The following SPIDR variants were observed in gnomAD, a reference collection of about 807,000 sequenced individuals.
SPIDR encodes DNA repair-scaffolding protein.
In SPIDR, 93 loss-of-function variants were observed where a neutral mutation model predicts 104.6. The ratio of observed to expected loss-of-function variants is 0.89; its 90% CI spans 0.75 to 1.06. The LOEUF (loss-of-function observed/expected upper bound fraction) is 1.06. SPIDR is among the 50% of genes least tolerant of loss of function. The pLI is 0.00. For synonymous variants in SPIDR, 431 were observed against 416.9 expected, an observed-to-expected ratio of 1.03 and a Z score of -0.41; for missense variants, 1,154 against 1,111.2, an observed-to-expected ratio of 1.04 and a Z score of -0.55.
chr8:47,650,323 G>T (rs1270210569), intron 10 of SPIDR, among the ~76,000 whole-genome samples: 2 of 152,204 alleles, frequency 1.3e-5, no homozygotes, highest in Non-Finnish European at 2.9e-5. Context: ...ACCAAGCGGG[G>T]AATCAAATCA....
chr8:47,356,553 C>T (rs2054589520), intron 5 of SPIDR, among the ~76,000 whole-genome samples: 1 of 152,148 alleles, frequency 6.6e-6, no homozygotes, highest in South Asian at 2.1e-4. Context: ...ATGGCTTGGT[C>T]ATTTGAAAAC....
intron 10 of SPIDR, among the ~76,000 whole-genome samples, chr8:47,608,218 T>C (rs542016718): frequency 6.6e-5 from 10 of 152,338 alleles, no homozygotes; most frequent in African/African-American, 2.4e-4. Flanking sequence ...GTGACTGGCT[T>C]CTTTTACCTA....
intron 10 of SPIDR, among the ~76,000 whole-genome samples, chr8:47,647,292 A>G (rs1428467022): frequency 1.3e-5 from 2 of 152,116 alleles, no homozygotes; most frequent in Admixed American, 6.5e-5. Context: ...TATTTGGGGG[A>G]AGACTGGCCA....
At position 47,546,243 on chromosome 8, in the gene SPIDR, C is replaced by G. The variant is rs951332314; in HGVS notation, c.1098-49568C>G. Among the ~76,000 whole-genome samples, 34 of 151,986 alleles carry G rather than the reference C, an allele frequency of 2.2e-4. 1 individual carries two copies. The highest frequency in any genetic ancestry group is 6.8e-3 in the Middle Eastern group (2 of 294). ...ATGAAGGTGTCTGAGCCTGGAGATA[C>G]CTGTTTGGGAAATTTTGAAATCACA... On this transcript the variant is annotated intron_variant, in intron 8 of 19. Transcript: ENST00000297423.
intron 8 of SPIDR, among the ~76,000 whole-genome samples, chr8:47,459,568 T>C (rs1194914235): frequency 6.6e-6 from 1 of 152,118 alleles, no homozygotes; most frequent in Non-Finnish European, 1.5e-5. Context: ...AGTTTATCTT[T>C]TCAAAGAACC....
intron 10 of SPIDR, among the ~76,000 whole-genome samples, chr8:47,631,794 GTCTT>G (rs2067109731): frequency 6.6e-6 from 1 of 152,174 alleles, no homozygotes; most frequent in Admixed American, 6.5e-5. Context: ...AACAAATTAA[GTCTT>G]TCTAATGAGA....
At chr8:47,662,780 G>T (rs905877803) in intron 10 of SPIDR, among the ~76,000 whole-genome samples, 3 of 152,106 alleles carry the variant, frequency 2.0e-5, no homozygotes, top group African/African-American at 7.2e-5. Context: ...ATCTTTACCC[G>T]CAAGGTATTA....
chr8:47,384,386 G>C (rs2059650396), intron 5 of SPIDR, among the ~76,000 whole-genome samples: 1 of 152,178 alleles, frequency 6.6e-6, no homozygotes, highest in African/African-American at 2.4e-5. Context: ...ACGTAAGACT[G>C]ATGAAACCTA....
chr8:47,587,405 G>T (rs2060362650), intron 8 of SPIDR, among the ~76,000 whole-genome samples: 2 of 151,746 alleles, frequency 1.3e-5, no homozygotes, highest in African/African-American at 4.8e-5. Flanking sequence ...GGACTTCAAG[G>T]CCAGTCTGGC....
intron 5 of SPIDR, among the ~76,000 whole-genome samples, chr8:47,359,826 G>C (rs185392088): frequency 1.3e-5 from 2 of 152,176 alleles, no homozygotes; most frequent in African/African-American, 2.4e-5. Context: ...GGGATACTTC[G>C]TAAGAACAAG....
intron 1 of SPIDR, among the ~76,000 whole-genome samples, chr8:47,275,200 A>G (rs1742781375): frequency 6.6e-6 from 1 of 151,886 alleles, no homozygotes; most frequent in East Asian, 2.0e-4. Flanking sequence ...TGGAGCTTGC[A>G]GTGAGCCCAG....
intron 5 of SPIDR, among the ~76,000 whole-genome samples, chr8:47,323,865 GTT>G: frequency 6.6e-6 from 1 of 152,234 alleles, no homozygotes; most frequent in East Asian, 1.9e-4. Context: ...GAAATGCTGT[GTT>G]TCTGGTGTCT....
chr8:47,262,523 G>T (rs2032745381), intron 1 of SPIDR, among the ~76,000 whole-genome samples: 1 of 152,210 alleles, frequency 6.6e-6, no homozygotes, highest in African/African-American at 2.4e-5. Context: ...TGGAGCTGGA[G>T]AATCCAGTTC....
rs575133205 is a variant in SPIDR at position 47,353,794 on chromosome 8, G to A, written c.526-42582G>A. 5.3e-5 allele frequency among the ~76,000 whole-genome samples: 8 copies of A among 151,218 alleles called. No individual in the cohort carries two copies. The East Asian group carries it at 1.2e-3, about 22-fold the overall frequency. ...GTGTTCTGTTAAGTCATTCAGTGAC[G>A]AAGATTGCTGGATTGCTGCCAGCCC... On this transcript the variant is annotated intron_variant, in intron 5 of 19. Coordinates refer to ENST00000297423, the MANE Select transcript of SPIDR (RefSeq NM_001080394.4).
At chr8:47,286,198 T>C (rs1342922028) in intron 3 of SPIDR, among the ~76,000 whole-genome samples, 2 of 152,272 alleles carry the variant, frequency 1.3e-5, no homozygotes, top group East Asian at 3.9e-4. Flanking sequence ...TGAAAGCAAC[T>C]GCAGGTCTCT....
At chr8:47,338,365 T>G (rs1408278881) in intron 5 of SPIDR, among the ~76,000 whole-genome samples, 1 of 152,204 alleles carries the variant, frequency 6.6e-6, no homozygotes, top group Admixed American at 6.5e-5. Context: ...TAACTACCTT[T>G]GAGAGAGTCA....
intron 5 of SPIDR, among the ~76,000 whole-genome samples, chr8:47,374,094 G>A (rs1390660176): frequency 6.6e-6 from 1 of 152,116 alleles, no homozygotes; most frequent in Non-Finnish European, 1.5e-5. Flanking sequence ...TTATTCATCT[G>A]GAAAATTTAA....
At chr8:47,667,319 T>C (rs1329931276) in intron 10 of SPIDR, among the ~76,000 whole-genome samples, 1 of 151,120 alleles carries the variant, frequency 6.6e-6, no homozygotes, top group African/African-American at 2.4e-5. Flanking sequence ...AAGAAAGGAC[T>C]GGACACAGTG....
chr8:47,420,489 A>G (rs1431331517), intron 7 of SPIDR, among the ~76,000 whole-genome samples: 1 of 151,802 alleles, frequency 6.6e-6, no homozygotes, highest in Non-Finnish European at 1.5e-5. Flanking sequence ...CCATCCTTTT[A>G]TTTTGAGCCT....
Sources: gnomAD v4.1 joint callset for allele counts (sites outside exome capture counted in the v4.1 genomes callset) on GRCh38, gnomAD v4.1.1 for gene constraint, MANE v1.5 for transcripts, NCBI Gene and HGNC (gene_info 2026-07-23, HGNC 2026-07-21) for gene names.